TMTC1: variants seen among roughly 807,000 people sequenced by gnomAD.
TMTC1 encodes the protein transmembrane O-mannosyltransferase targeting cadherins 1.
In TMTC1, 73 loss-of-function variants were observed where a neutral mutation model predicts 104.8. The observed-to-expected ratio is 0.70, with a 90% CI of 0.58 to 0.85. TMTC1 has a LOEUF of 0.85. TMTC1 is among the 40% of genes least tolerant of loss of function. The pLI is 0.00. For synonymous variants in TMTC1, 434 were observed against 428.7 expected (o/e 1.01, Z -0.15); for missense variants, 1,035 against 1,096.1 (o/e 0.94, Z 0.79).
At chr12:29,538,625 T>TA (rs1944709864) in intron 10 of TMTC1, among the ~76,000 whole-genome samples, 1 of 152,192 alleles carries the variant, frequency 6.6e-6, no homozygotes. Context: ...TTAGACCTTT[T>TA]ACATGTGAGC....
chr12:29,568,250 C>T (rs527465301), intron 9 of TMTC1, among the ~76,000 whole-genome samples: 7 of 151,940 alleles, frequency 4.6e-5, no homozygotes, highest in African/African-American at 7.2e-5. Flanking sequence ...TTAGTTACAC[C>T]GGGAGAAAAG....
At chr12:29,540,843 A>G (rs1295943287) in intron 10 of TMTC1, among the ~76,000 whole-genome samples, 3 of 152,042 alleles carry the variant, frequency 2.0e-5, no homozygotes, top group Non-Finnish European at 4.4e-5. Flanking sequence ...AAAAATACAA[A>G]AATTAGCCAG....
At chr12:29,565,517 C>T (rs1945487151) in intron 9 of TMTC1, among the ~76,000 whole-genome samples, 1 of 152,174 alleles carries the variant, frequency 6.6e-6, no homozygotes, top group African/African-American at 2.4e-5. Flanking sequence ...CCTCAGTTAC[C>T]TTTTAAAACA....
intron 5 of TMTC1, among the ~76,000 whole-genome samples, chr12:29,733,819 C>A (rs367730960): frequency 5.9e-5 from 9 of 152,174 alleles, no homozygotes; most frequent in African/African-American, 2.2e-4. Flanking sequence ...ACATCATGCT[C>A]TTTTCTTCAC....
rs1483245305 is a variant in TMTC1 at position 29,763,789 on chromosome 12, G to C, written c.480+4109C>G. 3.5e-4 allele frequency among the ~76,000 whole-genome samples: 53 copies of C among 152,288 alleles called. 1 individual carries two copies. The highest frequency in any genetic ancestry group is 3.4e-3 in the Admixed American group (52 of 15,296). On this transcript the variant is annotated intron_variant, in intron 2 of 17. Coordinates refer to ENST00000539277, the MANE Select transcript of TMTC1 (RefSeq NM_001193451.2). ...TCAAGGTGAGGGAATGCTCAGCCTA[G>C]GCCTAGGAAGGAACAAAAATGCTTT...
intron 5 of TMTC1, among the ~76,000 whole-genome samples, chr12:29,643,828 T>TATATATTTATATATATATAG (rs1939087181): frequency 2.7e-5 from 2 of 73,998 alleles, no homozygotes; most frequent in African/African-American, 1.1e-4. Flanking sequence ...TATTTATATA[T>TATATATTTATATATATATAG]TTATATATAT....
intron 5 of TMTC1, among the ~76,000 whole-genome samples, chr12:29,650,937 A>G (rs947587010): frequency 6.6e-6 from 1 of 152,260 alleles, no homozygotes; most frequent in Admixed American, 6.5e-5. Flanking sequence ...ATCTTCTTCA[A>G]CATTTCTTGT....
intron 5 of TMTC1, among the ~76,000 whole-genome samples, chr12:29,647,430 T>C (rs1020085262): frequency 6.6e-6 from 1 of 152,176 alleles, no homozygotes; most frequent in Admixed American, 6.5e-5. Context: ...ACACACAATA[T>C]ATTATTTTAC....
chr12:29,762,054 C>T (rs903204524), intron 2 of TMTC1, among the ~76,000 whole-genome samples: 4 of 152,116 alleles, frequency 2.6e-5, no homozygotes, highest in Non-Finnish European at 5.9e-5. Flanking sequence ...GGGTGTGCAC[C>T]TGTGGTCCCA....
chr12:29,689,797 T>C (rs1402811771), intron 5 of TMTC1, among the ~76,000 whole-genome samples: 1 of 152,232 alleles, frequency 6.6e-6, no homozygotes, highest in Admixed American at 6.5e-5. Context: ...TCTGTGTTCC[T>C]CTCTCATCCC....
chr12:29,606,770 C>T (rs969463758), intron 6 of TMTC1, among the ~76,000 whole-genome samples: 1 of 152,164 alleles, frequency 6.6e-6, no homozygotes, highest in Non-Finnish European at 1.5e-5. Flanking sequence ...AAAGAGCCCT[C>T]ACTGGGAATC....
chr12:29,679,538 C>A (rs931405744), intron 5 of TMTC1, among the ~76,000 whole-genome samples: 34 of 152,064 alleles, frequency 2.2e-4, no homozygotes, highest in African/African-American at 7.7e-4. Context: ...ATGGAATGGG[C>A]TATTCTAATA....
At chr12:29,658,726 C>A (rs1402036817) in intron 5 of TMTC1, 1 of 212,452 alleles carries the variant, frequency 4.7e-6, no homozygotes, top group Non-Finnish European at 1.0e-5. Context: ...GCCAAAGGAA[C>A]AACTCCATGT....
intron 5 of TMTC1, among the ~76,000 whole-genome samples, chr12:29,657,229 G>T (rs904149880): frequency 1.3e-5 from 2 of 152,210 alleles, no homozygotes; most frequent in African/African-American, 4.8e-5. Context: ...CATTATCCAA[G>T]AATATATGGC....
In TMTC1 at chr12:29,725,028, T is replaced by TTC. The variant is rs1942346701; in HGVS notation, c.938+26637_938+26638insGA. 1.5e-5 allele frequency among the ~76,000 whole-genome samples: 2 copies of TTC among 137,144 alleles called. 1 individual carries two copies. The highest frequency in any genetic ancestry group is 1.5e-4 in the Admixed American group (2 of 13,486). The allele number at this position is 137,144 out of a possible 152,430, so 90.0% of individuals were successfully genotyped here. On this transcript the variant is annotated intron_variant, in intron 5 of 17. Coordinates refer to ENST00000539277, the MANE Select transcript of TMTC1 (RefSeq NM_001193451.2). ...TCTGCCAAGTTCTTTTTTTTTTTTTTTTTTTTTTTTGAGATGGAGTCTCGC... is the reference window on the plus strand; with the variant it reads ...TCTGCCAAGTTCTTTTTTTTTTTTTTTCTTTTTTTTTTGAGATGGAGTCTCGC...
At chr12:29,573,908 G>A (rs1234566328) in intron 8 of TMTC1, among the ~76,000 whole-genome samples, 2 of 152,116 alleles carry the variant, frequency 1.3e-5, no homozygotes, top group African/African-American at 4.8e-5. Context: ...CAAAAGAGAA[G>A]GACTGAGCAG....
At chr12:29,711,453 G>A (rs1357015907) in intron 5 of TMTC1, among the ~76,000 whole-genome samples, 2 of 152,098 alleles carry the variant, frequency 1.3e-5, no homozygotes, top group Non-Finnish European at 2.9e-5. Context: ...TTTATACTGT[G>A]TACATTATCC....
At chr12:29,754,950 G>A (rs1450317255) in intron 4 of TMTC1, among the ~76,000 whole-genome samples, 2 of 152,006 alleles carry the variant, frequency 1.3e-5, no homozygotes, top group African/African-American at 2.4e-5. Flanking sequence ...ATACGGCAGG[G>A]GAATAAATTA....
chr12:29,511,410 G>A (rs967920362), intron 17 of TMTC1, among the ~76,000 whole-genome samples: 1 of 151,998 alleles, frequency 6.6e-6, no homozygotes, highest in Non-Finnish European at 1.5e-5. Flanking sequence ...TAGGATGTTC[G>A]CCATAAATGC....
Sources: allele counts gnomAD v4.1 joint callset (sites outside exome capture counted in the v4.1 genomes callset), GRCh38; gene constraint gnomAD v4.1.1; transcripts MANE v1.5; gene names NCBI Gene and HGNC (gene_info 2026-07-23, HGNC 2026-07-21).